Variants in DMRT1 observed in about 807,000 individuals in gnomAD.
The protein encoded by DMRT1 is doublesex- and mab-3-related transcription factor 1.
In DMRT1, 7 loss-of-function variants were observed where a neutral mutation model predicts 32.3. That is an observed-to-expected ratio of 0.22 (90% CI 0.12 to 0.41). The LOEUF is 0.41. Ranked by LOEUF, DMRT1 falls within the 10% of genes least tolerant of loss-of-function variation. The pLI, the probability that DMRT1 is intolerant of heterozygous loss-of-function variation, is 1.00. For missense variants in DMRT1, 625 were observed against 500.5 expected, an observed-to-expected ratio of 1.25 and a Z score of -2.37; for synonymous variants, 278 against 206.1, an observed-to-expected ratio of 1.35 and a Z score of -2.99.
chr9:914,749 T>C (rs954833842), intron 3 of DMRT1, among the ~76,000 whole-genome samples: 3 of 152,164 alleles, frequency 2.0e-5, no homozygotes, highest in African/African-American at 7.2e-5. Flanking sequence ...ATGGTATCTT[T>C]GCTTCTCCAG....
chr9:942,360 A>G (rs1019728688), intron 4 of DMRT1, among the ~76,000 whole-genome samples: 4 of 151,902 alleles, frequency 2.6e-5, no homozygotes, highest in African/African-American at 7.3e-5. Flanking sequence ...TGCAACCCCA[A>G]CCTCGCAGGT....
chr9:859,182 T>G (rs1381570812), intron 2 of DMRT1, among the ~76,000 whole-genome samples: 1 of 152,174 alleles, frequency 6.6e-6, no homozygotes, highest in African/African-American at 2.4e-5. Context: ...CTTGGCTCTC[T>G]TAACTCCCAA....
intron 1 of DMRT1, among the ~76,000 whole-genome samples, chr9:845,833 C>G (rs1838880709): frequency 6.6e-6 from 1 of 152,190 alleles, no homozygotes; most frequent in Admixed American, 6.5e-5. Flanking sequence ...CCCCTTCATC[C>G]TTGCCTGTCC....
intron 1 of DMRT1, among the ~76,000 whole-genome samples, chr9:846,181 T>C (rs1279090791): frequency 6.8e-6 from 1 of 146,020 alleles, no homozygotes; most frequent in Non-Finnish European, 1.5e-5. Flanking sequence ...ACAGGTGGGC[T>C]AACATGCCTG....
At chr9:940,164 A>C (rs1015036665) in intron 4 of DMRT1, among the ~76,000 whole-genome samples, 3 of 152,074 alleles carry the variant, frequency 2.0e-5, no homozygotes, top group Non-Finnish European at 4.4e-5. Context: ...AGTTCTGCAA[A>C]AACTTAACCA....
intron 2 of DMRT1, among the ~76,000 whole-genome samples, chr9:868,396 A>G (rs572189396): frequency 6.6e-6 from 1 of 152,330 alleles, no homozygotes; most frequent in South Asian, 2.1e-4. Flanking sequence ...CGGTGTATTG[A>G]TGATTGCTTT....
chr9:948,669 A>T (rs1298836468), intron 4 of DMRT1, among the ~76,000 whole-genome samples: 1 of 152,078 alleles, frequency 6.6e-6, no homozygotes, highest in Admixed American at 6.5e-5. Context: ...GTTGACTGAA[A>T]CACTCAGAAT....
chr9:892,677 T>C (rs182919692), intron 2 of DMRT1, among the ~76,000 whole-genome samples: 16 of 152,144 alleles, frequency 1.1e-4, no homozygotes, highest in Admixed American at 7.9e-4. Flanking sequence ...CTTAGATAAA[T>C]CTCCTCCAAG....
At chr9:966,368 T>C (rs1819930659) in intron 4 of DMRT1, among the ~76,000 whole-genome samples, 1 of 152,246 alleles carries the variant, frequency 6.6e-6, no homozygotes, top group South Asian at 2.1e-4. Flanking sequence ...AATATTTTCC[T>C]ATATTTTAAA....
intron 2 of DMRT1, among the ~76,000 whole-genome samples, chr9:883,780 C>G (rs879217761): frequency 6.7e-6 from 1 of 148,442 alleles, no homozygotes; most frequent in African/African-American, 2.5e-5. Context: ...CGGAGCAAGA[C>G]CTGTTTCTTA....
At chr9:966,622 C>T (rs536300659) in intron 4 of DMRT1, among the ~76,000 whole-genome samples, 1 of 152,288 alleles carries the variant, frequency 6.6e-6, no homozygotes, top group African/African-American at 2.4e-5. Flanking sequence ...AGAATGTGGT[C>T]CAGTGGAGTG....
intron 4 of DMRT1, among the ~76,000 whole-genome samples, chr9:920,154 A>T (rs779078944): frequency 6.6e-6 from 1 of 152,120 alleles, no homozygotes; most frequent in African/African-American, 2.4e-5. Context: ...GGGAGGGGAA[A>T]TATCTCTACT....
rs543256253 is a variant in DMRT1, at chr9:901,592, G to A, written c.822+7397G>A. The stretch of plus-strand genomic sequence containing the variant: ...TCCGCCTGCCTTGGCCTCCCAAAGT[G>A]CTGGGATTATAGGCGGGAGCCACCG... On this transcript the variant is annotated intron_variant, in intron 3 of 4. Coordinates refer to ENST00000382276, the MANE Select transcript of DMRT1 (RefSeq NM_021951.3). 1.7e-3 allele frequency among the ~76,000 whole-genome samples: 263 copies of A among 152,212 alleles called. 8 individuals are homozygous for A. The South Asian group carries it at 0.053, about 31-fold the overall frequency.
intron 3 of DMRT1, among the ~76,000 whole-genome samples, chr9:909,551 A>C (rs1472846635): frequency 2.6e-5 from 4 of 152,182 alleles, no homozygotes; most frequent in Non-Finnish European, 5.9e-5. Context: ...AGTCAACCCC[A>C]GCCTTCACAC....
chr9:966,359 AT>A (rs1434087008), intron 4 of DMRT1, among the ~76,000 whole-genome samples: 11 of 152,020 alleles, frequency 7.2e-5, no homozygotes, highest in South Asian at 4.1e-4. Flanking sequence ...TTAAAAAAAA[AT>A]ATTTTCCTAT....
At chr9:949,282 C>G (rs1004410432) in intron 4 of DMRT1, among the ~76,000 whole-genome samples, 4 of 151,966 alleles carry the variant, frequency 2.6e-5, no homozygotes, top group African/African-American at 9.7e-5. Context: ...AGGAGGATCT[C>G]GCTTGAGCCC....
intron 1 of DMRT1, among the ~76,000 whole-genome samples, chr9:843,635 G>C (rs553370330): frequency 1.3e-5 from 2 of 152,314 alleles, no homozygotes; most frequent in Admixed American, 6.5e-5. Context: ...TTGGAAGGCA[G>C]TAATCCACGT....
At chr9:967,215 C>A (rs1173429869) in intron 4 of DMRT1, among the ~76,000 whole-genome samples, 2 of 152,028 alleles carry the variant, frequency 1.3e-5, no homozygotes, top group African/African-American at 4.8e-5. Flanking sequence ...GGTCAGAGAC[C>A]CTTTTGCTTA....
At chr9:846,731 C>T (rs1263664843) in intron 1 of DMRT1, among the ~76,000 whole-genome samples, 4 of 152,132 alleles carry the variant, frequency 2.6e-5, no homozygotes, top group African/African-American at 9.7e-5. Context: ...CAGGTATCTG[C>T]GACCATGTCT....
Sources: gnomAD v4.1 joint callset for allele counts (sites outside exome capture counted in the v4.1 genomes callset) on GRCh38, gnomAD v4.1.1 for gene constraint, MANE v1.5 for transcripts, NCBI Gene and HGNC (gene_info 2026-07-23, HGNC 2026-07-21) for gene names.